Variants in FLRT1 observed in about 807,000 individuals in gnomAD.
FLRT1 encodes the protein fibronectin leucine rich transmembrane protein 1.
Under a neutral mutation model 30.9 loss-of-function variants are expected in FLRT1, and 14 were observed. The ratio of observed to expected loss-of-function variants is 0.45; its 90% confidence interval spans 0.30 to 0.71. The LOEUF is 0.71. Ranked by LOEUF, FLRT1 falls within the 30% of genes least tolerant of loss-of-function variation. FLRT1 has a pLI of 0.08. For synonymous variants in FLRT1, 368 were observed against 430.4 expected (o/e 0.85, Z 1.80); for missense variants, 737 against 949.2 (o/e 0.78, Z 2.94).
intron 1 of FLRT1, among the ~76,000 whole-genome samples, chr11:64,044,464 GC>G (rs758786929): frequency 6.6e-6 from 1 of 152,040 alleles, no homozygotes; most frequent in Non-Finnish European, 1.5e-5. Context: ...GCCCAGGCTG[GC>G]CTTGAACTCC....
At position 64,078,892 on chromosome 11, in the gene FLRT1, G is replaced by C. The variant is rs771094145; in HGVS notation, c.-1037-24302G>C. Among the ~76,000 whole-genome samples the C allele has an allele frequency of 2.0e-5, 3 of 152,242 alleles. No homozygotes were observed. In the East Asian group the frequency reaches 5.8e-4, roughly 29 times the overall value. On this transcript the variant is annotated intron_variant, in intron 1 of 2. Coordinates refer to ENST00000682287, the MANE Select transcript of FLRT1 (RefSeq NM_013280.5). ...GCAGAGGGGACAGCGAGAACTCAGA[G>C]TGGGAGTTTGGCAGGTTCCAGGACA...
At position 64,072,196 on chromosome 11, in the gene FLRT1, G is replaced by A. The variant is rs112979786; in HGVS notation, c.-1037-30998G>A. Among the ~76,000 whole-genome samples the A allele has an allele frequency of 6.0e-3, 917 of 152,230 alleles. 8 individuals carry two copies. Among genetic ancestry groups the A allele is most frequent in the African/African-American group, 0.021 (864 of 41,520 alleles). On this transcript the variant is annotated intron_variant, in intron 1 of 2. Transcript: ENST00000682287. ...GGGGGACTTGGGGGTCGGGAGCAGG[G>A]TCTGCTTCATCCTCAGCTGCTGTGG... is the stretch of plus-strand genomic sequence containing the variant.
chr11:64,075,862 C>T (rs949584192), intron 1 of FLRT1, among the ~76,000 whole-genome samples: 3 of 152,174 alleles, frequency 2.0e-5, no homozygotes, highest in African/African-American at 4.8e-5. Flanking sequence ...TTAGTAGAGA[C>T]GGGGTTTCAC....
At chr11:64,058,290 G>A (rs539956943) in intron 1 of FLRT1, among the ~76,000 whole-genome samples, 1 of 152,374 alleles carries the variant, frequency 6.6e-6, no homozygotes, top group South Asian at 2.1e-4. Flanking sequence ...GACTACTGTC[G>A]GCTCTGCTGT....
Position 64,044,763 on chromosome 11 carries a change from T to C in FLRT1, c.-1038+8604T>C, listed in dbSNP as rs186877971. 1.1e-3 allele frequency among the ~76,000 whole-genome samples: 165 copies of C among 152,252 alleles called. 2 individuals carry two copies. The highest frequency in any genetic ancestry group is 3.8e-3 in the African/African-American group (159 of 41,574). On this transcript the variant is annotated intron_variant, in intron 1 of 2. Transcript: ENST00000682287. ...AGCACCTGAGCTTTGGTATCTGTCA[T>C]GCTCCCCCCTCACCAGACCCCTCCC...
intron 1 of FLRT1, among the ~76,000 whole-genome samples, chr11:64,077,211 C>A (rs715163): frequency 0.53 from 80,360 of 151,974 alleles, 22,834 homozygotes; most frequent in Non-Finnish European, 0.63. Context: ...CCAGGAGGAG[C>A]TACCTGGAAA....
At chr11:64,068,752 G>GC (rs1944051629) in intron 1 of FLRT1, among the ~76,000 whole-genome samples, 2 of 152,236 alleles carry the variant, frequency 1.3e-5, no homozygotes, top group Non-Finnish European at 2.9e-5. Flanking sequence ...TAGCCTGGGA[G>GC]CCCAGATAAT....
intron 1 of FLRT1, among the ~76,000 whole-genome samples, chr11:64,084,527 C>T (rs1944360024): frequency 6.6e-6 from 1 of 152,198 alleles, no homozygotes. Flanking sequence ...CTTGGGTCAT[C>T]GCTGCTGCAG....
At chr11:64,041,442 T>C (rs1355429378) in intron 1 of FLRT1, among the ~76,000 whole-genome samples, 1 of 144,756 alleles carries the variant, frequency 6.9e-6, no homozygotes, top group Non-Finnish European at 1.5e-5. Context: ...CTGGGGGAGG[T>C]CAGCCAGGGG....
At chr11:64,107,363 A>G (rs1944781150) in intron 2 of FLRT1, among the ~76,000 whole-genome samples, 1 of 151,844 alleles carries the variant, frequency 6.6e-6, no homozygotes, top group Admixed American at 6.6e-5. Context: ...CTGGCCTTGA[A>G]TGGTTTAATA....
At chr11:64,106,354 G>T (rs1165730652) in intron 2 of FLRT1, among the ~76,000 whole-genome samples, 1 of 152,156 alleles carries the variant, frequency 6.6e-6, no homozygotes, top group African/African-American at 2.4e-5. Context: ...CCAGCCCTGG[G>T]TCTAGGTTCA....
intron 1 of FLRT1, among the ~76,000 whole-genome samples, chr11:64,076,298 C>G (rs996749614): frequency 1.3e-5 from 2 of 152,222 alleles, no homozygotes; most frequent in Non-Finnish European, 2.9e-5. Flanking sequence ...TCAAAAGACC[C>G]CACATGCCAT....
chr11:64,045,746 T>C (rs1565207651), intron 1 of FLRT1, among the ~76,000 whole-genome samples: 1 of 152,104 alleles, frequency 6.6e-6, no homozygotes, highest in African/African-American at 2.4e-5. Flanking sequence ...AAACCAGAAA[T>C]AGACCTCACT....
chr11:64,094,258 G>A (rs370033552), intron 1 of FLRT1, among the ~76,000 whole-genome samples: 4 of 152,078 alleles, frequency 2.6e-5, no homozygotes, highest in African/African-American at 4.8e-5. Flanking sequence ...GTAAAACCAC[G>A]TCTCTACTAA....
intron 1 of FLRT1, among the ~76,000 whole-genome samples, chr11:64,040,772 T>TG (rs1481734170): frequency 6.6e-6 from 1 of 151,974 alleles, no homozygotes; most frequent in African/African-American, 2.4e-5. Flanking sequence ...GGAAGTGGGC[T>TG]GGGGTGCAGG....
intron 1 of FLRT1, among the ~76,000 whole-genome samples, chr11:64,068,899 G>A (rs1232457722): frequency 1.3e-5 from 2 of 152,242 alleles, no homozygotes; most frequent in Non-Finnish European, 2.9e-5. Flanking sequence ...GGGACTTGGC[G>A]GGAAATGGGC....
chr11:64,066,294 C>CAAAAA (rs59963244), intron 1 of FLRT1, among the ~76,000 whole-genome samples: 1 of 50,944 alleles, frequency 2.0e-5, no homozygotes, highest in African/African-American at 6.4e-5. Flanking sequence ...GAGACTGTCT[C>CAAAAA]AAAAAAAAAA....
chr11:64,097,393 G>A (rs1944596039), intron 1 of FLRT1, among the ~76,000 whole-genome samples: 1 of 152,256 alleles, frequency 6.6e-6, no homozygotes, highest in Non-Finnish European at 1.5e-5. Flanking sequence ...TAAAGAAGGG[G>A]AGATGTCCCG....
chr11:64,108,543 TG>T, intron 2 of FLRT1, among the ~76,000 whole-genome samples: 1 of 152,300 alleles, frequency 6.6e-6, no homozygotes, highest in South Asian at 2.1e-4. Flanking sequence ...CCCAGGAAGG[TG>T]GGGTCTTTCA....
Sources: gnomAD v4.1 joint callset for allele counts (sites outside exome capture counted in the v4.1 genomes callset) on GRCh38, gnomAD v4.1.1 for gene constraint, MANE v1.5 for transcripts, NCBI Gene and HGNC (gene_info 2026-07-23, HGNC 2026-07-21) for gene names.